The following TAS2R16 variants were observed in gnomAD, a reference collection of about 807,000 sequenced individuals.
TAS2R16 encodes taste 2 receptor member 16, also known as taste receptor type 2 member 16.
In TAS2R16, 5 loss-of-function variants were observed where a neutral mutation model predicts 5.0. The ratio of observed to expected loss-of-function variants is 1.00; its 90% CI spans 0.52 to 2.11. The LOEUF (loss-of-function observed/expected upper bound fraction) is 2.11. Among genes scored for constraint, TAS2R16 ranks in the 30% most tolerant of loss-of-function variants. The pLI, the probability that TAS2R16 is intolerant of heterozygous loss-of-function variation, is 0.01. For synonymous variants in TAS2R16, 142 were observed against 123.3 expected (o/e 1.15, Z -1.00); for missense variants, 363 against 341.3 (o/e 1.06, Z -0.50).
Position 122,995,327 on chromosome 7 carries a change from T to C in TAS2R16, c.308A>G (p.Tyr103Cys). 6.2e-7 allele frequency: 1 copy of C among 1,613,592 alleles called. No individual in the cohort carries two copies. Among genetic ancestry groups the C allele is most frequent in the Non-Finnish European group, 8.5e-7 (1 of 1,179,734 alleles). Residue 103 changes from tyrosine (Y) to cysteine (C), a missense_variant, in exon 1 of 1, where the codon TAC (tyrosine) becomes TGC (cysteine). Coordinates refer to ENST00000249284, the MANE Select transcript of TAS2R16 (RefSeq NM_016945.3). ...GGTGAAAGAAGAGACCTTGATGCAG[T>C]AGAACACGGTAAGCAAGCTGTTTAA... is the stretch of plus-strand genomic sequence containing the variant. ...FWLNSLLTVF[Y>C]CIKVSSFTHH...
At position 122,994,707 on chromosome 7, in the gene TAS2R16, T is replaced by C. The variant is rs992286837; in HGVS notation, c.*52A>G. 37 of 1,506,916 alleles carry C rather than the reference T, an allele frequency of 2.5e-5. No homozygotes were observed. Among genetic ancestry groups the C allele is most frequent in the Non-Finnish European group, 3.3e-5 (37 of 1,127,554 alleles). 93.3% of individuals were successfully genotyped at this position (1,506,916 alleles called of 1,614,324 possible). Reference sequence around the variant, plus strand: ...AGCAATACTCTCTTCTGGTATTAATTATATCAATTGCTCGGGAGTCTTTTA... The same window carrying C: ...AGCAATACTCTCTTCTGGTATTAATCATATCAATTGCTCGGGAGTCTTTTA... On this transcript the variant is annotated 3_prime_UTR_variant, in exon 1 of 1. Transcript: ENST00000249284.
chr7:122,995,097 C>A lies in TAS2R16; in HGVS notation c.538G>T (p.Ala180Ser). 1 of 1,613,804 alleles carries A rather than the reference C, an allele frequency of 6.2e-7. No individual in the cohort carries two copies. The change falls in exon 1 of 1, where the codon GCT becomes TCT. Residue 180 changes from alanine (A) to serine (S), a missense_variant. Transcript: ENST00000249284. ...LENFHQYQFQAHTVALVIPFI... is the reference protein window; with the variant it reads ...LENFHQYQFQSHTVALVIPFI... Reference sequence around the variant, plus strand: ...GGAATAACCAATGCAACTGTATGAGCCTGGAACTGATACTGATGAAAATTT... The same window carrying A: ...GGAATAACCAATGCAACTGTATGAGACTGGAACTGATACTGATGAAAATTT...
At position 122,995,086 on chromosome 7, in the gene TAS2R16, A is replaced by G; in HGVS notation, c.549T>C (p.Val183=). ...ACAGGATGAAAGGAATAACCAATGC[A>G]ACTGTATGAGCCTGGAACTGATACT... is the stretch of plus-strand genomic sequence containing the variant. ...FHQYQFQAHT[V]ALVIPFILFL... Residue 183 remains valine (V), a synonymous_variant, in exon 1 of 1, where the codon GTT becomes GTC. Transcript: ENST00000249284. 2 of 1,613,892 alleles carry G rather than the reference A, an allele frequency of 1.2e-6. No homozygotes were observed. Among genetic ancestry groups the G allele is most frequent in the Non-Finnish European group, 1.7e-6 (2 of 1,179,886 alleles).
Position 122,995,537 on chromosome 7 carries a change from C to A in TAS2R16, c.98G>T (p.Gly33Val). Residue 33 changes from glycine (G) to valine (V), a missense_variant, in exon 1 of 1, where the codon GGC becomes GTC. Gly to Val is a moderately radical substitution (Grantham distance 109, BLOSUM62 -3). Coordinates refer to ENST00000249284, the MANE Select transcript of TAS2R16 (RefSeq NM_016945.3). ...CCTTCTGACTTGCAGCCATTCTCTG[C>A]CCAGCACTGCAACAATTAGGCTGCT... is the stretch of plus-strand genomic sequence containing the variant. The part of the protein sequence containing the change: ...VQSSLIVAVL[G>V]REWLQVRRLM... The A allele has an allele frequency of 6.2e-7, 1 of 1,613,226 alleles. No homozygotes were observed. Among genetic ancestry groups the A allele is most frequent in the South Asian group, 1.1e-5 (1 of 90,956 alleles).
At position 122,995,503 on chromosome 7, in the gene TAS2R16, A is replaced by G. The variant is rs779771990; in HGVS notation, c.132T>C (p.Pro44=). The G allele has an allele frequency of 2.5e-6, 4 of 1,613,822 alleles. No homozygotes were observed. The South Asian group carries it at 4.4e-5, about 18-fold the overall frequency. The change falls in exon 1 of 1, where the codon CCT becomes CCC. Residue 44 remains proline (P), a synonymous_variant. Coordinates refer to ENST00000249284, the MANE Select transcript of TAS2R16 (RefSeq NM_016945.3). ...REWLQVRRLM[P]VDMILISLGI... ...CCAGGCTGATGAGAATCATGTCCAC[A>G]GGCATCAGCCTTCTGACTTGCAGCC...
In TAS2R16 at chr7:122,995,697, G is replaced by A; in HGVS notation, c.-63C>T. ...GAATCTCTGTACCAATTTCCAGGTA[G>A]AGAATGGGTTCCTGATTCCACCACT... On this transcript the variant is annotated 5_prime_UTR_variant, in exon 1 of 1. Transcript: ENST00000249284. 1 of 1,477,150 alleles carries A rather than the reference G, an allele frequency of 6.8e-7. No homozygotes were observed. 91.5% of individuals were successfully genotyped at this position (1,477,150 alleles called of 1,614,324 possible).
chr7:122,995,509 C>A lies in TAS2R16; in HGVS notation c.126G>T (p.Leu42=). ...TGATGAGAATCATGTCCACAGGCATCAGCCTTCTGACTTGCAGCCATTCTC... is the reference window on the plus strand; with the variant it reads ...TGATGAGAATCATGTCCACAGGCATAAGCCTTCTGACTTGCAGCCATTCTC... ...LGREWLQVRR[L]MPVDMILISL... is the part of the protein sequence containing the mutation. The change falls in exon 1 of 1, where the codon CTG becomes CTT. Residue 42 remains leucine, a synonymous_variant. Coordinates refer to ENST00000249284, the MANE Select transcript of TAS2R16 (RefSeq NM_016945.3). 1.2e-6 allele frequency: 2 copies of A among 1,613,756 alleles called. No individual in the cohort carries two copies. Among genetic ancestry groups the A allele is most frequent in the Non-Finnish European group, 8.5e-7 (1 of 1,179,818 alleles).
At position 122,995,300 on chromosome 7, in the gene TAS2R16, T is replaced by C. The variant is rs1365494631; in HGVS notation, c.335A>G (p.His112Arg). The change falls in exon 1 of 1, where the codon CAT (histidine) becomes CGT (arginine). Residue 112 changes from histidine to arginine, a missense_variant. Coordinates refer to ENST00000249284, the MANE Select transcript of TAS2R16 (RefSeq NM_016945.3). ...FYCIKVSSFTHHIFLWLRWRI... is the reference protein window; with the variant it reads ...FYCIKVSSFTRHIFLWLRWRI... ...CCACCTCAGCCAGAGAAAGATGTGATGGGTGAAAGAAGAGACCTTGATGCA... is the reference window on the plus strand; with the variant it reads ...CCACCTCAGCCAGAGAAAGATGTGACGGGTGAAAGAAGAGACCTTGATGCA... 4.3e-6 allele frequency: 7 copies of C among 1,613,566 alleles called. No homozygotes were observed. The African/African-American group carries it at 8.0e-5, about 18-fold the overall frequency.
At position 122,995,654 on chromosome 7, in the gene TAS2R16, T is replaced by C. The variant is rs1191239297; in HGVS notation, c.-20A>G. ...TATCATTCTTCTACTCCAAAGTGTC[T>C]TCCTGGACAAAGACTCTGAATCTCT... On this transcript the variant is annotated 5_prime_UTR_variant, in exon 1 of 1. Coordinates refer to ENST00000249284, the MANE Select transcript of TAS2R16 (RefSeq NM_016945.3). 6.6e-7 allele frequency: 1 copy of C among 1,519,130 alleles called. No individual in the cohort carries two copies. The highest frequency in any genetic ancestry group is 8.8e-7 in the Non-Finnish European group (1 of 1,136,014). 94.1% of individuals were successfully genotyped at this position (1,519,130 alleles called of 1,614,324 possible). A position where few individuals can be genotyped will look rare whatever the true frequency, so the allele number is the denominator to read the frequency against.
rs187186713 is a variant in TAS2R16 at position 122,994,945 on chromosome 7, G to A, written c.690C>T (p.Ala230=). ...AAGAGGTAAACACAATAAATAAGAC[G>A]GCAAGGGACCTCAGGGCAGTGAAGC... ...KARFTALRSL[A]VLFIVFTSYF... The change falls in exon 1 of 1, where the codon GCC becomes GCT. Residue 230 remains alanine (A), a synonymous_variant. Coordinates refer to ENST00000249284, the MANE Select transcript of TAS2R16 (RefSeq NM_016945.3). 3.9e-5 allele frequency: 63 copies of A among 1,613,582 alleles called. No homozygotes were observed. The highest frequency in any genetic ancestry group is 3.5e-4 in the South Asian group (32 of 91,042).
Position 122,995,050 on chromosome 7 carries a change from G to A in TAS2R16, c.585C>T (p.Ser195=), listed in dbSNP as rs1262712029. The change falls in exon 1 of 1, where the codon TCC becomes TCT. Residue 195 remains serine, a synonymous_variant. Coordinates refer to ENST00000249284, the MANE Select transcript of TAS2R16 (RefSeq NM_016945.3). ...LVIPFILFLA[S]TIFLMASLTK... is the part of the protein sequence containing the mutation. ...TCAGTGATGCCATGAGAAAGATGGT[G>A]GAGGCCAGGAACAGGATGAAAGGAA... 1.2e-6 allele frequency: 2 copies of A among 1,613,772 alleles called. No individual in the cohort carries two copies.
rs749560831 is a variant in TAS2R16, at chr7:122,995,370, T to G, written c.265A>C (p.Asn89His). 6.2e-7 allele frequency: 1 copy of G among 1,613,582 alleles called. No homozygotes were observed. The highest frequency in any genetic ancestry group is 8.5e-7 in the Non-Finnish European group (1 of 1,179,824). ...CTGTTTAACCAGAATGTAAGGATAT[T>G]AAAAAATTCCCAGGTGATTGTTAAG... ...CNLTITWEFF[N>H]ILTFWLNSLL... Residue 89 changes from asparagine (N) to histidine (H), a missense_variant, in exon 1 of 1, where the codon AAT becomes CAT. By Grantham distance (68) the Asn-to-His change is moderately conservative. Transcript: ENST00000249284.
Position 122,995,656 on chromosome 7 carries a change from C to T in TAS2R16, c.-22G>A. 1 of 1,518,838 alleles carries T rather than the reference C, an allele frequency of 6.6e-7. No homozygotes were observed. Among genetic ancestry groups the T allele is most frequent in the Non-Finnish European group, 8.8e-7 (1 of 1,135,706 alleles). 94.1% of individuals were successfully genotyped at this position (1,518,838 alleles called of 1,614,324 possible). On this transcript the variant is annotated 5_prime_UTR_variant, in exon 1 of 1. Coordinates refer to ENST00000249284, the MANE Select transcript of TAS2R16 (RefSeq NM_016945.3). ...TCATTCTTCTACTCCAAAGTGTCTT[C>T]CTGGACAAAGACTCTGAATCTCTGT...
chr7:122,994,949 A>T lies in TAS2R16; in HGVS notation c.686T>A (p.Leu229His). The T allele has an allele frequency of 6.2e-7, 1 of 1,613,734 alleles. No individual in the cohort carries two copies. The highest frequency in any genetic ancestry group is 1.1e-5 in the South Asian group (1 of 91,054). The change falls in exon 1 of 1, where the codon CTT (leucine) becomes CAT (histidine). Residue 229 changes from leucine to histidine, a missense_variant. Coordinates refer to ENST00000249284, the MANE Select transcript of TAS2R16 (RefSeq NM_016945.3). The part of the protein sequence containing the change: ...MKARFTALRS[L>H]AVLFIVFTSY... ...GGTAAACACAATAAATAAGACGGCAAGGGACCTCAGGGCAGTGAAGCGCGC... is the reference window on the plus strand; with the variant it reads ...GGTAAACACAATAAATAAGACGGCATGGGACCTCAGGGCAGTGAAGCGCGC...
In TAS2R16 at chr7:122,995,020, C is replaced by A; in HGVS notation, c.615G>T (p.Lys205Asn). 6.2e-7 allele frequency: 1 copy of A among 1,613,828 alleles called. No homozygotes were observed. Among genetic ancestry groups the A allele is most frequent in the Non-Finnish European group, 8.5e-7 (1 of 1,179,882 alleles). ...STIFLMASLT[K>N]QIQHHSTGHC... ...GACCAGTGCTATGATGTTGTATCTGCTTGGTCAGTGATGCCATGAGAAAGA... is the reference window on the plus strand; with the variant it reads ...GACCAGTGCTATGATGTTGTATCTGATTGGTCAGTGATGCCATGAGAAAGA... Residue 205 changes from lysine (K) to asparagine (N), a missense_variant, in exon 1 of 1, where the codon AAG becomes AAT. Transcript: ENST00000249284.
Position 122,995,615 on chromosome 7 carries a change from G to A in TAS2R16, c.20C>T (p.Thr7Ile), listed in dbSNP as rs772938138. Residue 7 changes from threonine to isoleucine, a missense_variant, in exon 1 of 1, where the codon ACT (threonine) becomes ATT (isoleucine). Physicochemically the swap from Thr to Ile is moderately conservative, Grantham distance 89. Coordinates refer to ENST00000249284, the MANE Select transcript of TAS2R16 (RefSeq NM_016945.3). MIPIQL[T>I]VFFMIIYVLE... ...CACATAGATGATCATGAAGAAGACA[G>A]TGAGTTGGATGGGTATCATTCTTCT... The A allele has an allele frequency of 4.5e-6, 7 of 1,561,330 alleles. No homozygotes were observed. The Admixed American group carries it at 1.1e-4, about 26-fold the overall frequency.
Position 122,995,019 on chromosome 7 carries a change from G to T in TAS2R16, c.616C>A (p.Gln206Lys). 1 of 1,613,846 alleles carries T rather than the reference G, an allele frequency of 6.2e-7. No homozygotes were observed. Among genetic ancestry groups the T allele is most frequent in the Non-Finnish European group, 8.5e-7 (1 of 1,179,866 alleles). Reference protein sequence around the residue: ...TIFLMASLTKQIQHHSTGHCN... With the variant: ...TIFLMASLTKKIQHHSTGHCN... Reference sequence around the variant, plus strand: ...TGACCAGTGCTATGATGTTGTATCTGCTTGGTCAGTGATGCCATGAGAAAG... The same window carrying T: ...TGACCAGTGCTATGATGTTGTATCTTCTTGGTCAGTGATGCCATGAGAAAG... Residue 206 changes from glutamine to lysine, a missense_variant, in exon 1 of 1, where the codon CAG (glutamine) becomes AAG (lysine). Physicochemically the swap from Gln to Lys is moderately conservative, Grantham distance 53. Transcript: ENST00000249284.
Position 122,995,454 on chromosome 7 carries a change from A to G in TAS2R16, c.181T>C (p.Trp61Arg), listed in dbSNP as rs1218250433. 6.2e-7 allele frequency: 1 copy of G among 1,613,826 alleles called. No homozygotes were observed. Among genetic ancestry groups the G allele is most frequent in the African/African-American group, 1.3e-5 (1 of 75,042 alleles). The change falls in exon 1 of 1, where the codon TGG becomes CGG. Residue 61 changes from tryptophan to arginine, a missense_variant. Physicochemically the swap from Trp to Arg is moderately radical, Grantham distance 101 (BLOSUM62 -3). Transcript: ENST00000249284. ...SLGISRFCLQ[W>R]ASMLNNFCSY... ...CAAAAATTGTTCAGCATTGATGCCC[A>G]CTGTAGACAGAAGCGAGAGATGCCC...
chr7:122,994,822 C>A lies in TAS2R16; in HGVS notation c.813G>T (p.Met271Ile). 6.2e-7 allele frequency: 1 copy of A among 1,611,106 alleles called. No homozygotes were observed. The highest frequency in any genetic ancestry group is 1.3e-5 in the African/African-American group (1 of 74,886). The change falls in exon 1 of 1, where the codon ATG becomes ATT. Residue 271 changes from methionine (M) to isoleucine (I), a missense_variant. Coordinates refer to ENST00000249284, the MANE Select transcript of TAS2R16 (RefSeq NM_016945.3). ...TGCTCAGCATCAGTGAAGTGGAATG[C>A]ATTAAGATGAAAGCATAGACAAAAG... is the stretch of plus-strand genomic sequence containing the variant. ...WEAFVYAFILMHSTSLMLSSP... is the reference protein window; with the variant it reads ...WEAFVYAFILIHSTSLMLSSP...
Sources: allele counts gnomAD v4.1 joint callset, GRCh38; gene constraint gnomAD v4.1.1; transcripts MANE v1.5; gene names NCBI Gene and HGNC (gene_info 2026-07-23, HGNC 2026-07-21).